Variants in DGKG observed in about 807,000 individuals in gnomAD.
DGKG encodes DAG kinase gamma.
Under a neutral mutation model 105.3 loss-of-function variants are expected in DGKG, and 78 were observed. That is an observed-to-expected ratio of 0.74 (90% CI 0.62 to 0.89). The LOEUF is 0.89. DGKG is among the 40% of genes least tolerant of loss of function. DGKG has a pLI of 0.00. For missense variants in DGKG, 958 were observed against 1,020.1 expected, an observed-to-expected ratio of 0.94 and a Z score of 0.83; for synonymous variants, 346 against 367.1, an observed-to-expected ratio of 0.94 and a Z score of 0.66.
chr3:186,163,903 A>G (rs1223202436), intron 23 of DGKG, among the ~76,000 whole-genome samples: 2 of 152,192 alleles, frequency 1.3e-5, no homozygotes, highest in Admixed American at 1.3e-4. Context: ...CATCATGACA[A>G]CAGCTCAGAA....
intron 17 of DGKG, among the ~76,000 whole-genome samples, chr3:186,254,395 C>A (rs1159047278): frequency 6.6e-6 from 1 of 152,152 alleles, no homozygotes; most frequent in Non-Finnish European, 1.5e-5. Flanking sequence ...CAAAACAATG[C>A]AATGGCCCCT....
intron 22 of DGKG, among the ~76,000 whole-genome samples, chr3:186,185,142 C>T (rs991878912): frequency 2.0e-5 from 3 of 152,184 alleles, no homozygotes; most frequent in Admixed American, 2.0e-4. Flanking sequence ...TCTTCTGACT[C>T]CCAGGCGAAT....
At chr3:186,268,675 G>A (rs1303562307) in intron 12 of DGKG, 126 bp downstream of exon 12, 1 of 659,124 alleles carries the variant, frequency 1.5e-6, no homozygotes, top group East Asian at 2.7e-5. Flanking sequence ...AGGCGCTGTG[G>A]GGTCCTCCTA....
At chr3:186,349,993 T>C (rs1167983988) in intron 1 of DGKG, among the ~76,000 whole-genome samples, 1 of 152,080 alleles carries the variant, frequency 6.6e-6, no homozygotes, top group Non-Finnish European at 1.5e-5. Flanking sequence ...CAAGCGATTC[T>C]CATGCCTCAG....
chr3:186,265,657 C>CTTTTTTTTTTTTTTT lies in DGKG; in HGVS notation c.1210-366_1210-352dup, dbSNP rs68014632. 4.0e-4 allele frequency among the ~76,000 whole-genome samples: 31 copies of CTTTTTTTTTTTTTTT among 77,376 alleles called. 3 individuals are homozygous for CTTTTTTTTTTTTTTT. Among genetic ancestry groups the CTTTTTTTTTTTTTTT allele is most frequent in the African/African-American group, 1.4e-3 (28 of 19,562 alleles). The allele number at this position is 77,376 out of a possible 152,430, so 50.8% of individuals were successfully genotyped here. Reference sequence around the variant, plus strand: ...TTGGCGACTTGGCTTTTCTTCCTTTCTTTTTTTTTTTTTTTTTTTTTTTTG... The same window carrying CTTTTTTTTTTTTTTT: ...TTGGCGACTTGGCTTTTCTTCCTTTCTTTTTTTTTTTTTTTTTTTTTTTTTTTTTTTTTTTTTTTG... On this transcript the variant is annotated intron_variant, in intron 13 of 24. Transcript: ENST00000265022.
At chr3:186,157,170 G>A (rs1716075904) in intron 24 of DGKG, among the ~76,000 whole-genome samples, 1 of 151,996 alleles carries the variant, frequency 6.6e-6, no homozygotes, top group East Asian at 1.9e-4. Flanking sequence ...TAGTAGGGGA[G>A]AAGCTTTCTG....
At chr3:186,182,052 G>A (rs1717384555) in intron 22 of DGKG, among the ~76,000 whole-genome samples, 1 of 152,216 alleles carries the variant, frequency 6.6e-6, no homozygotes, top group South Asian at 2.1e-4. Flanking sequence ...CTTGTGCCAT[G>A]CCCTTGGTGC....
At chr3:186,188,855 C>T (rs554294286) in intron 21 of DGKG, among the ~76,000 whole-genome samples, 18 of 152,228 alleles carry the variant, frequency 1.2e-4, no homozygotes, top group Non-Finnish European at 1.8e-4. Flanking sequence ...TGCTCTGTCA[C>T]CCAGGCTGGA....
chr3:186,260,243 A>G (rs1000224585), intron 16 of DGKG, among the ~76,000 whole-genome samples, 196 bp downstream of exon 16: 3 of 152,200 alleles, frequency 2.0e-5, no homozygotes, highest in Admixed American at 2.0e-4. Flanking sequence ...CTTCTCAAAC[A>G]GAGTTAGCCT....
At chr3:186,259,336 C>G (rs1258878126) in intron 16 of DGKG, among the ~76,000 whole-genome samples, 1 of 152,092 alleles carries the variant, frequency 6.6e-6, no homozygotes, top group Non-Finnish European at 1.5e-5. Flanking sequence ...GGGGCTGCTC[C>G]GTCACAAGGC....
Position 186,361,505 on chromosome 3 carries a change from C to T in DGKG, c.-249+441G>A, listed in dbSNP as rs1727227403. On this transcript the variant is annotated intron_variant, in intron 1 of 24. Coordinates refer to ENST00000265022, the MANE Select transcript of DGKG (RefSeq NM_001346.3). The surrounding 1 kb of genome is among the most constrained non-coding windows in gnomAD (Gnocchi z 6.8). ...GAGTGCCCCCAAAGTCCTAGAACCC[C>T]GCGGGACGGTCGGAGGCTTTGGCGG... Among the ~76,000 whole-genome samples, 1 of 152,192 alleles carries T rather than the reference C, an allele frequency of 6.6e-6. No individual in the cohort carries two copies. Among genetic ancestry groups the T allele is most frequent in the East Asian group, 1.9e-4 (1 of 5,190 alleles).
intron 24 of DGKG, chr3:186,161,395 G>A (rs748430296): frequency 1.2e-4 from 165 of 1,406,734 alleles, no homozygotes; most frequent in Non-Finnish European, 1.5e-4. Flanking sequence ...TGTGACCGGC[G>A]CTTCACAGTG....
chr3:186,252,998 A>G, intron 18 of DGKG, 95 bp downstream of exon 18: 3 of 1,047,150 alleles, frequency 2.9e-6, no homozygotes, highest in Non-Finnish European at 4.5e-6. Context: ...GCGGAATGTG[A>G]TCCATAAAAG....
At chr3:186,267,578 AG>A in intron 13 of DGKG, 106 bp downstream of exon 13, 1 of 836,664 alleles carries the variant, frequency 1.2e-6, no homozygotes, top group Non-Finnish European at 2.0e-6. Context: ...ACAAACCCAA[AG>A]AGTTGTCAGG....
chr3:186,209,141 CG>C (rs1718904067), intron 21 of DGKG, among the ~76,000 whole-genome samples: 1 of 131,920 alleles, frequency 7.6e-6, no homozygotes, highest in Admixed American at 8.5e-5. Context: ...CTCTGTCTTG[CG>C]CAGGCTGGAG....
chr3:186,191,489 C>T (rs1717904878), intron 21 of DGKG, among the ~76,000 whole-genome samples: 1 of 152,208 alleles, frequency 6.6e-6, no homozygotes, highest in Non-Finnish European at 1.5e-5. Context: ...AACTTGGATT[C>T]AAATGTGTGT....
At chr3:186,267,864 G>T in intron 12 of DGKG, 87 bp from the exon 13 acceptor site, 1 of 1,179,614 alleles carries the variant, frequency 8.5e-7, no homozygotes, top group Non-Finnish European at 1.3e-6. Context: ...GGAGAGGTGA[G>T]CTGTCTAGTG....
intron 1 of DGKG, among the ~76,000 whole-genome samples, chr3:186,353,173 C>T (rs1726718909): frequency 6.6e-6 from 1 of 152,114 alleles, no homozygotes; most frequent in African/African-American, 2.4e-5. Context: ...TACCTGATTT[C>T]CTAGGTCCAA....
chr3:186,319,223 C>T (rs1243498338), intron 2 of DGKG, among the ~76,000 whole-genome samples: 1 of 152,202 alleles, frequency 6.6e-6, no homozygotes, highest in Non-Finnish European at 1.5e-5. Context: ...GCCCTATGGT[C>T]CCCTGTTGAC....
Sources: allele counts gnomAD v4.1 joint callset (sites outside exome capture counted in the v4.1 genomes callset), GRCh38; gene constraint gnomAD v4.1.1; non-coding constraint Gnocchi (gnomAD v3.1); transcripts MANE v1.5; gene names NCBI Gene and HGNC (gene_info 2026-07-23, HGNC 2026-07-21).